Variants in NDUFS1 observed in about 807,000 individuals in gnomAD.
NDUFS1 encodes NADH-ubiquinone oxidoreductase 75 kDa subunit, mitochondrial.
In NDUFS1, 61 loss-of-function variants were observed where a neutral mutation model predicts 84.4. The ratio of observed to expected loss-of-function variants is 0.72; its 90% CI spans 0.59 to 0.89. NDUFS1 has a LOEUF of 0.89. Among genes scored for constraint, NDUFS1 ranks in the 40% least tolerant of loss-of-function variants. NDUFS1 has a pLI of 0.00. For synonymous variants in NDUFS1, 275 were observed against 290.0 expected, an observed-to-expected ratio of 0.95 and a Z score of 0.53; for missense variants, 891 against 890.0, an observed-to-expected ratio of 1.00 and a Z score of -0.01.
chr2:206,147,601 C>G lies in NDUFS1; in HGVS notation c.481G>C (p.Glu161Gln). Residue 161 changes from glutamate (E) to glutamine (Q), a missense_variant, in exon 7 of 19, where the codon GAA becomes CAA. Glu to Gln is a conservative substitution (Grantham distance 29). Transcript: ENST00000233190. ...SRFLEGKRAV[E>Q]DKNIGPLVKT... Reference sequence around the variant, plus strand: ...ACCAATGGCCCAATGTTCTTGTCTTCCACAGCACGCTTCCCCTCTAAAAAT... The same window carrying G: ...ACCAATGGCCCAATGTTCTTGTCTTGCACAGCACGCTTCCCCTCTAAAAAT... 1 of 1,614,142 alleles carries G rather than the reference C, an allele frequency of 6.2e-7. No individual in the cohort carries two copies. Among genetic ancestry groups the G allele is most frequent in the South Asian group, 1.1e-5 (1 of 91,086 alleles).
At position 206,126,601 on chromosome 2, in the gene NDUFS1, T is replaced by C; in HGVS notation, c.2030A>G (p.Gln677Arg). 6.2e-7 allele frequency: 1 copy of C among 1,614,170 alleles called. No individual in the cohort carries two copies. Among genetic ancestry groups the C allele is most frequent in the South Asian group, 1.1e-5 (1 of 91,082 alleles). Residue 677 changes from glutamine (Q) to arginine (R), a missense_variant, in exon 18 of 19, where the codon CAG becomes CGG. Physicochemically the swap from Gln to Arg is conservative, Grantham distance 43. Transcript: ENST00000233190. ...AACAAGTGGGTCAGCAAGAAGCTGC[T>C]GGTTCACTAGCTGCACAAAAAAGAA... ...QANELSKLVN[Q>R]QLLADPLVPP...
At chr2:206,151,332 G>A (rs1047086597) in intron 3 of NDUFS1, among the ~76,000 whole-genome samples, 2 of 152,082 alleles carry the variant, frequency 1.3e-5, no homozygotes, top group Non-Finnish European at 2.9e-5. Context: ...ACTATTTGAA[G>A]CTTTCAAAAT....
rs149580828 is a variant in NDUFS1 at position 206,152,753 on chromosome 2, G to A, written c.62-243C>T. Among the ~76,000 whole-genome samples, 1,729 of 147,228 alleles carry A rather than the reference G, an allele frequency of 0.012. 16 individuals carry two copies. Among genetic ancestry groups the A allele is most frequent in the Non-Finnish European group, 0.017 (1,155 of 67,204 alleles). On this transcript the variant is annotated intron_variant, in intron 2 of 18. Coordinates refer to ENST00000233190, the MANE Select transcript of NDUFS1 (RefSeq NM_005006.7). Reference sequence around the variant, plus strand: ...GGAGTCTTGCCCTGTCACCCAGGCTGGAGTGCAGTGGCGCCATCTTGGCTC... The same window carrying A: ...GGAGTCTTGCCCTGTCACCCAGGCTAGAGTGCAGTGGCGCCATCTTGGCTC...
At chr2:206,148,272 C>T (rs111833372) in intron 5 of NDUFS1, among the ~76,000 whole-genome samples, 21 of 152,204 alleles carry the variant, frequency 1.4e-4, no homozygotes, top group African/African-American at 4.3e-4. Flanking sequence ...ATTTGTTATA[C>T]AATTAATAGT....
intron 18 of NDUFS1, 21 bp downstream of exon 18, chr2:206,126,518 G>T: frequency 6.2e-7 from 1 of 1,609,816 alleles, no homozygotes; most frequent in Non-Finnish European, 8.5e-7. Flanking sequence ...ATTTGGCAGA[G>T]TCATGTTGAC....
At chr2:206,156,837 G>A (rs1185443572) in intron 1 of NDUFS1, among the ~76,000 whole-genome samples, 5 of 152,160 alleles carry the variant, frequency 3.3e-5, no homozygotes, top group African/African-American at 1.2e-4. Flanking sequence ...ATGAGTTTCT[G>A]GTTCTTTACT....
At chr2:206,126,958 G>C (rs1463282005) in intron 16 of NDUFS1, 114 bp from the exon 17 acceptor site, 7 of 1,249,082 alleles carry the variant, frequency 5.6e-6, no homozygotes, top group Non-Finnish European at 8.0e-6. Context: ...AAACCTATTG[G>C]TGTCCATTAG....
chr2:206,125,089 G>T (rs1559040676), intron 18 of NDUFS1, among the ~76,000 whole-genome samples: 2 of 120,400 alleles, frequency 1.7e-5, no homozygotes, highest in Non-Finnish European at 3.5e-5. Flanking sequence ...CAAGCCATCT[G>T]CCCCCCTCAG....
intron 15 of NDUFS1, 24 bp downstream of exon 15, chr2:206,130,064 T>G: frequency 6.2e-7 from 1 of 1,613,550 alleles, no homozygotes; most frequent in Non-Finnish European, 8.5e-7. Context: ...CTCTTTTGTT[T>G]CTGGTGTCAC....
rs1320301525 is a variant in NDUFS1 at position 206,159,393 on chromosome 2, AC to A, written c.-58del. The A allele has an allele frequency of 6.0e-6, 3 of 500,312 alleles. No individual in the cohort carries two copies. The highest frequency in any genetic ancestry group is 3.9e-5 in the African/African-American group (2 of 51,638). The allele number at this position is 500,312 out of a possible 1,614,324, so 31.0% of individuals were successfully genotyped here. ...CTGCTAAACTGTCTGGACCACGACG[AC>A]CCCCTAGGAGGCCGGGTCGCTTATT... On this transcript the variant is annotated 5_prime_UTR_variant, in exon 1 of 19. Coordinates refer to ENST00000233190, the MANE Select transcript of NDUFS1 (RefSeq NM_005006.7).
At chr2:206,152,271 A>G (rs1238144215) in intron 3 of NDUFS1, 148 bp downstream of exon 3, 3 of 678,632 alleles carry the variant, frequency 4.4e-6, no homozygotes, top group African/African-American at 1.8e-5. Context: ...TTGAAGTGCC[A>G]AGATTTAAAA....
rs1691308226 is a variant in NDUFS1, at chr2:206,126,739, A to C, written c.1990T>G (p.Tyr664Asp). Reference sequence around the variant, plus strand: ...GAGAGCTCATTTGCTTGCTGGAAGTAATTAGCCCCTTCAATATCATCATAT... The same window carrying C: ...GAGAGCTCATTTGCTTGCTGGAAGTCATTAGCCCCTTCAATATCATCATAT... ...VRYDDIEGANYFQQANELSKL... is the reference protein window; with the variant it reads ...VRYDDIEGANDFQQANELSKL... The change falls in exon 17 of 19, where the codon TAC becomes GAC. Residue 664 changes from tyrosine (Y) to aspartate (D), a missense_variant. Tyr to Asp is a radical substitution (Grantham distance 160). Coordinates refer to ENST00000233190, the MANE Select transcript of NDUFS1 (RefSeq NM_005006.7). The C allele has an allele frequency of 1.2e-6, 2 of 1,614,056 alleles. No individual in the cohort carries two copies. Among genetic ancestry groups the C allele is most frequent in the South Asian group, 2.2e-5 (2 of 91,088 alleles).
At chr2:206,149,408 T>TA (rs1279369275) in intron 4 of NDUFS1, among the ~76,000 whole-genome samples, 2 of 152,114 alleles carry the variant, frequency 1.3e-5, no homozygotes, top group Non-Finnish European at 2.9e-5. Context: ...CACTATTGAA[T>TA]AAAAAAATTG....
chr2:206,137,061 A>G (rs984286555), intron 13 of NDUFS1, among the ~76,000 whole-genome samples: 1 of 152,084 alleles, frequency 6.6e-6, no homozygotes, highest in Non-Finnish European at 1.5e-5. Flanking sequence ...CCAACTCCTT[A>G]GTTTTTTAAT....
Position 206,138,543 on chromosome 2 carries a change from AG to A in NDUFS1, c.1333del (p.Leu445TrpfsTer22), listed in dbSNP as rs1691811440. 1.2e-6 allele frequency: 2 copies of A among 1,614,052 alleles called. No homozygotes were observed. The highest frequency in any genetic ancestry group is 1.7e-6 in the Non-Finnish European group (2 of 1,179,890). On this transcript the variant is annotated frameshift_variant, in exon 13 of 19. Coordinates refer to ENST00000233190, the MANE Select transcript of NDUFS1 (RefSeq NM_005006.7). LOFTEE classifies it high-confidence loss of function. The stretch of plus-strand genomic sequence containing the variant: ...TTGAAGAATTTTGGGGGAGTCTCCC[AG>A]GTGGTCATATGTGTAAGTGAGGTCC... Reference protein sequence around the residue: ...PVDLTYTYDHLGDSPKILQDI... With the variant: ...PVDLTYTYDHXGDSPKILQDI...
chr2:206,117,577 G>A lies in NDUFS1; in HGVS notation c.*6608C>T, dbSNP rs1485375602. 6.6e-6 allele frequency: 1 copy of A among 152,246 alleles called. No homozygotes were observed. The highest frequency in any genetic ancestry group is 1.9e-4 in the East Asian group (1 of 5,202). 9.4% of individuals were successfully genotyped at this position (152,246 alleles called of 1,614,324 possible). A position where few individuals can be genotyped will look rare whatever the true frequency, so the allele number is the denominator to read the frequency against. On this transcript the variant is annotated 3_prime_UTR_variant, in exon 19 of 19. Transcript: ENST00000233190. ...GCCTCCAGAGTAGCTGGGATTACAG[G>A]TGTCTTGCCACCATGCCCGGCTAAT...
intron 1 of NDUFS1, among the ~76,000 whole-genome samples, chr2:206,158,561 T>C (rs1687770168): frequency 6.6e-6 from 1 of 152,222 alleles, no homozygotes; most frequent in South Asian, 2.1e-4. Context: ...AGAGACCACT[T>C]TCCCGGATTT....
At position 206,127,890 on chromosome 2, in the gene NDUFS1, G is replaced by A; in HGVS notation, c.1791C>T (p.Val597=). ...TCTGCTGAGCTCTACCCTCAGTGTT[G>A]ACATATGTAGCAGACTTCTCTGTGT... ...AAYTEKSATY[V]NTEGRAQQTK... Residue 597 remains valine, a synonymous_variant, in exon 16 of 19, where the codon GTC becomes GTT. Coordinates refer to ENST00000233190, the MANE Select transcript of NDUFS1 (RefSeq NM_005006.7). The A allele has an allele frequency of 6.2e-7, 1 of 1,614,070 alleles. No individual in the cohort carries two copies. Among genetic ancestry groups the A allele is most frequent in the Non-Finnish European group, 8.5e-7 (1 of 1,180,014 alleles).
rs1192805843 is a variant in NDUFS1, at chr2:206,144,087, C to T, written c.918G>A (p.Met306Ile). ...GLKRQRLTEP[M>I]VRNEKGLLTY... Reference sequence around the variant, plus strand: ...TTAAAAGCCCTTTTTCATTTCTGACCATTGGCTCGGTAAGTCTTTGACGTT... The same window carrying T: ...TTAAAAGCCCTTTTTCATTTCTGACTATTGGCTCGGTAAGTCTTTGACGTT... The change falls in exon 10 of 19, where the codon ATG (methionine) becomes ATA (isoleucine). Residue 306 changes from methionine to isoleucine, a missense_variant. Transcript: ENST00000233190. The T allele has an allele frequency of 1.2e-6, 2 of 1,613,970 alleles. No homozygotes were observed. The highest frequency in any genetic ancestry group is 2.7e-5 in the African/African-American group (2 of 74,926).
Sources: allele counts gnomAD v4.1 joint callset (sites outside exome capture counted in the v4.1 genomes callset), GRCh38; gene constraint gnomAD v4.1.1; transcripts MANE v1.5; gene names NCBI Gene and HGNC (gene_info 2026-07-23, HGNC 2026-07-21).